PJA2: variants seen among roughly 807,000 people sequenced by gnomAD.
The protein encoded by PJA2 is praja ring finger ubiquitin ligase 2.
In PJA2, 25 loss-of-function variants were observed where a neutral mutation model predicts 69.3. The ratio of observed to expected loss-of-function variants is 0.36; its 90% CI spans 0.26 to 0.50. The LOEUF is 0.50. Among genes scored for constraint, PJA2 ranks in the 20% least tolerant of loss-of-function variants. PJA2 has a pLI of 0.96. For missense variants in PJA2, 809 were observed against 830.2 expected, an observed-to-expected ratio of 0.97 and a Z score of 0.31; for synonymous variants, 308 against 277.8, an observed-to-expected ratio of 1.11 and a Z score of -1.08.
At chr5:109,379,449 T>A (rs1214405965) in intron 3 of PJA2, among the ~76,000 whole-genome samples, 195 bp from the exon 4 acceptor site, 7 of 152,224 alleles carry the variant, frequency 4.6e-5, no homozygotes, top group South Asian at 2.1e-4. Flanking sequence ...TATGTCAATG[T>A]ACAGCCTTTC....
intron 4 of PJA2, 119 bp downstream of exon 4, chr5:109,378,085 G>T: frequency 1.5e-6 from 1 of 683,468 alleles, no homozygotes; most frequent in Non-Finnish European, 2.4e-6. Flanking sequence ...AAAAATATTT[G>T]GTAAGTCAAA....
intron 6 of PJA2, among the ~76,000 whole-genome samples, chr5:109,360,046 T>C (rs1357831559): frequency 1.3e-5 from 2 of 152,322 alleles, no homozygotes; most frequent in East Asian, 3.9e-4. Context: ...ATTTAGGAAA[T>C]CTTAGTGAAG....
chr5:109,367,386 C>A lies in PJA2; in HGVS notation c.1469+1175G>T, dbSNP rs534195705. Among the ~76,000 whole-genome samples, 173 of 151,108 alleles carry A rather than the reference C, an allele frequency of 1.1e-3. 1 individual carries two copies. The highest frequency in any genetic ancestry group is 1.8e-3 in the Non-Finnish European group (119 of 67,772). The stretch of plus-strand genomic sequence containing the variant: ...AATATTAGTCTACACTGAAAAAGTT[C>A]TTTTCCTAAAAAAAAACATAATTTA... On this transcript the variant is annotated intron_variant, in intron 5 of 9. Transcript: ENST00000361189.
chr5:109,383,325 T>A (rs1283653178), intron 2 of PJA2, 78 bp downstream of exon 2: 3 of 1,266,518 alleles, frequency 2.4e-6, no homozygotes, highest in Non-Finnish European at 3.4e-6. Flanking sequence ...CAGATGATCA[T>A]ATGTCACTTA....
chr5:109,400,620 T>C (rs1747520715), intron 1 of PJA2, among the ~76,000 whole-genome samples: 2 of 151,950 alleles, frequency 1.3e-5, no homozygotes, highest in African/African-American at 4.8e-5. Flanking sequence ...AAAAGCAGTA[T>C]AAATACAAAA....
At chr5:109,345,686 G>C (rs1328798489) in intron 7 of PJA2, among the ~76,000 whole-genome samples, 1 of 152,102 alleles carries the variant, frequency 6.6e-6, no homozygotes, top group African/African-American at 2.4e-5. Context: ...ATAAAATGTG[G>C]CTGAGGCTAC....
rs1163773792 is a variant in PJA2 at position 109,336,623 on chromosome 5, G to C, written c.*608C>G. ...TTTTACTACCTAACTTTATTTCAGG[G>C]GGAGTTACGTCTACGATTTAAAACT... On this transcript the variant is annotated 3_prime_UTR_variant, in exon 10 of 10. Transcript: ENST00000361189. 6.6e-6 allele frequency: 1 copy of C among 151,948 alleles called. No homozygotes were observed. The highest frequency in any genetic ancestry group is 1.9e-4 in the East Asian group (1 of 5,202). 9.4% of individuals were successfully genotyped at this position (151,948 alleles called of 1,614,324 possible). A position where few individuals can be genotyped will look rare whatever the true frequency, so the allele number is the denominator to read the frequency against.
In PJA2 at chr5:109,368,609, T is replaced by C. The variant is rs766881899; in HGVS notation, c.1421A>G (p.Asp474Gly). 1 of 1,614,160 alleles carries C rather than the reference T, an allele frequency of 6.2e-7. No homozygotes were observed. Among genetic ancestry groups the C allele is most frequent in the Non-Finnish European group, 8.5e-7 (1 of 1,180,022 alleles). ...GTTTTCTTCTTCAGGGCCACTGCTA[T>C]CACTTTGTAGCTCAGGTTCATTCTC... Reference protein sequence around the residue: ...KDENEPELQSDSSGPEEENQE... With the variant: ...KDENEPELQSGSSGPEEENQE... Residue 474 changes from aspartate to glycine, a missense_variant, in exon 5 of 10, where the codon GAT becomes GGT. This residue lies in a region of PJA2 where 700 missense variants were observed against 639.5 expected (regional missense o/e 1.09). Coordinates refer to ENST00000361189, the MANE Select transcript of PJA2 (RefSeq NM_014819.5).
intron 4 of PJA2, among the ~76,000 whole-genome samples, chr5:109,374,798 T>C (rs537817985): frequency 1.3e-5 from 2 of 152,364 alleles, no homozygotes; most frequent in South Asian, 2.1e-4. Context: ...GTAGATGGCA[T>C]GCCTCTCTTC....
chr5:109,365,954 G>C (rs1762579907), intron 5 of PJA2, among the ~76,000 whole-genome samples: 1 of 152,220 alleles, frequency 6.6e-6, no homozygotes, highest in African/African-American at 2.4e-5. Flanking sequence ...TCTCCCTTTG[G>C]TCAAAGCTCT....
At chr5:109,341,577 G>C in intron 9 of PJA2, among the ~76,000 whole-genome samples, 1 of 137,870 alleles carries the variant, frequency 7.3e-6, no homozygotes, top group Non-Finnish European at 1.6e-5. Context: ...CGCCCGGCCA[G>C]CCGCCCCGTC....
In PJA2 at chr5:109,378,293, A is replaced by T. The variant is rs747597960; in HGVS notation, c.1194T>A (p.Ser398Arg). The T allele has an allele frequency of 3.1e-6, 5 of 1,613,864 alleles. No individual in the cohort carries two copies. Among genetic ancestry groups the T allele is most frequent in the Middle Eastern group, 1.6e-4 (1 of 6,084 alleles). ...ETENNQMTSE[S>R]GATAGRQEVD... Reference sequence around the variant, plus strand: ...CCTCTTGCCTTCCTGCTGTGGCTCCACTTTCTGATGTCATTTGGTTATTTT... The same window carrying T: ...CCTCTTGCCTTCCTGCTGTGGCTCCTCTTTCTGATGTCATTTGGTTATTTT... The change falls in exon 4 of 10, where the codon AGT becomes AGA. Residue 398 changes from serine to arginine, a missense_variant. Around this residue, in one of 4 missense-constraint regions of PJA2, gnomAD observed 700 missense variants for 639.5 expected, o/e 1.09. Transcript: ENST00000361189.
At chr5:109,337,578 T>C (rs1227637034) in intron 9 of PJA2, among the ~76,000 whole-genome samples, 1 of 152,190 alleles carries the variant, frequency 6.6e-6, no homozygotes, top group Non-Finnish European at 1.5e-5. Context: ...CTCTTATTCA[T>C]GTTCGTATCT....
chr5:109,343,439 A>G (rs1762120114), intron 9 of PJA2, among the ~76,000 whole-genome samples: 1 of 150,830 alleles, frequency 6.6e-6, no homozygotes, highest in Non-Finnish European at 1.5e-5. Context: ...TTGGTAGGTT[A>G]TTAAGTATCT....
chr5:109,366,793 T>C (rs1326849672), intron 5 of PJA2, among the ~76,000 whole-genome samples: 1 of 152,156 alleles, frequency 6.6e-6, no homozygotes, highest in African/African-American at 2.4e-5. Context: ...TATGAATAAT[T>C]TATACTTAGT....
rs75679188 is a variant in PJA2 at position 109,394,039 on chromosome 5, C to CTTTTT, written c.-87-10524_-87-10520dup. 3.8e-4 allele frequency among the ~76,000 whole-genome samples: 31 copies of CTTTTT among 81,872 alleles called. 1 individual carries two copies. Among genetic ancestry groups the CTTTTT allele is most frequent in the Non-Finnish European group, 4.9e-4 (20 of 40,836 alleles). 53.7% of individuals were successfully genotyped at this position (81,872 alleles called of 152,430 possible). On this transcript the variant is annotated intron_variant, in intron 1 of 9. Transcript: ENST00000361189. ...GATGTGCTAGTAACATTCTAATTCT[C>CTTTTT]TTTTTTTTTTTTTTTTTTTTTTTTT...
chr5:109,349,405 C>G (rs1379314095), intron 7 of PJA2, among the ~76,000 whole-genome samples: 1 of 152,176 alleles, frequency 6.6e-6, no homozygotes, highest in African/African-American at 2.4e-5. Flanking sequence ...ACAGAGCACA[C>G]TGGGACTAGA....
intron 1 of PJA2, among the ~76,000 whole-genome samples, chr5:109,408,112 G>A (rs757629231): frequency 6.6e-6 from 1 of 152,046 alleles, no homozygotes; most frequent in Non-Finnish European, 1.5e-5. Context: ...TCACTTCTAG[G>A]AACCCATGCT....
At chr5:109,345,943 G>T (rs1762167108) in intron 7 of PJA2, among the ~76,000 whole-genome samples, 1 of 152,188 alleles carries the variant, frequency 6.6e-6, no homozygotes, top group Non-Finnish European at 1.5e-5. Flanking sequence ...AGACTAGAAT[G>T]GCAGTTGAGA....
Sources: allele counts gnomAD v4.1 joint callset (sites outside exome capture counted in the v4.1 genomes callset), GRCh38; gene constraint gnomAD v4.1.1; regional missense constraint gnomAD v4.1.1; transcripts MANE v1.5; gene names NCBI Gene and HGNC (gene_info 2026-07-23, HGNC 2026-07-21).